Variants in GABRB1 observed in about 807,000 individuals in gnomAD.
GABRB1 encodes the protein gamma-aminobutyric acid receptor subunit beta-1.
Under a neutral mutation model 51.6 loss-of-function variants are expected in GABRB1, and 17 were observed. The ratio of observed to expected loss-of-function variants is 0.33; its 90% CI spans 0.23 to 0.49. GABRB1 has a LOEUF of 0.49. Ranked by LOEUF, GABRB1 falls within the 20% of genes least tolerant of loss-of-function variation. GABRB1 has a pLI of 0.99. For missense variants in GABRB1, 410 were observed against 600.6 expected (o/e 0.68, Z 3.32); for synonymous variants, 247 against 218.9 (o/e 1.13, Z -1.14).
At chr4:47,188,090 A>G (rs1719262115) in intron 4 of GABRB1, among the ~76,000 whole-genome samples, 1 of 152,008 alleles carries the variant, frequency 6.6e-6, no homozygotes, top group Admixed American at 6.6e-5. Context: ...TTATGAGTAC[A>G]TAAAATTTGT....
At chr4:47,164,154 C>G (rs527647209) in intron 4 of GABRB1, among the ~76,000 whole-genome samples, 8 of 152,146 alleles carry the variant, frequency 5.3e-5, no homozygotes, top group African/African-American at 1.9e-4. Context: ...TCCCACCGGG[C>G]CCTCCCTTGA....
chr4:47,260,467 G>T (rs1327511446), intron 4 of GABRB1, among the ~76,000 whole-genome samples: 3 of 152,170 alleles, frequency 2.0e-5, no homozygotes, highest in African/African-American at 7.2e-5. Context: ...GCTGGTACCA[G>T]TTGTTCCTTT....
chr4:47,383,551 G>T (rs1440230645), intron 5 of GABRB1, among the ~76,000 whole-genome samples: 2 of 152,048 alleles, frequency 1.3e-5, no homozygotes, highest in African/African-American at 2.4e-5. Flanking sequence ...ATTCTGATCT[G>T]ATATATTAGT....
At chr4:47,036,363 G>A (rs1355278170) in intron 3 of GABRB1, among the ~76,000 whole-genome samples, 4 of 152,064 alleles carry the variant, frequency 2.6e-5, no homozygotes, top group Non-Finnish European at 1.5e-5. Context: ...CAGATTCCCA[G>A]TCCCCACATG....
At chr4:47,247,138 G>C (rs1010110465) in intron 4 of GABRB1, among the ~76,000 whole-genome samples, 1 of 152,056 alleles carries the variant, frequency 6.6e-6, no homozygotes, top group Non-Finnish European at 1.5e-5. Flanking sequence ...TTATCTTCTA[G>C]AATTTTTATA....
At chr4:47,342,008 G>A (rs917460330) in intron 5 of GABRB1, among the ~76,000 whole-genome samples, 1 of 152,196 alleles carries the variant, frequency 6.6e-6, no homozygotes, top group Admixed American at 6.6e-5. Context: ...GTGAAATCCT[G>A]TGAAGCTCAA....
At chr4:47,087,514 A>C (rs888516732) in intron 3 of GABRB1, among the ~76,000 whole-genome samples, 9 of 150,456 alleles carry the variant, frequency 6.0e-5, no homozygotes, top group Non-Finnish European at 1.0e-4. Flanking sequence ...TCTAACTCTG[A>C]GGCGCTGCAT....
At chr4:47,002,674 G>A (rs1724265618) in intron 1 of GABRB1, among the ~76,000 whole-genome samples, 1 of 151,820 alleles carries the variant, frequency 6.6e-6, no homozygotes, top group Non-Finnish European at 1.5e-5. Flanking sequence ...ATATATACTA[G>A]CCTGCCATCA....
At chr4:47,295,483 T>A (rs1416591460) in intron 4 of GABRB1, among the ~76,000 whole-genome samples, 3 of 152,246 alleles carry the variant, frequency 2.0e-5, no homozygotes, top group East Asian at 3.9e-4. Context: ...GGAGCCGATG[T>A]GATCAACTGG....
chr4:47,136,718 A>G (rs905515468), intron 3 of GABRB1, among the ~76,000 whole-genome samples: 1 of 152,076 alleles, frequency 6.6e-6, no homozygotes, highest in Admixed American at 6.6e-5. Flanking sequence ...TATACTTTCA[A>G]TAAATTGTGG....
intron 4 of GABRB1, among the ~76,000 whole-genome samples, chr4:47,271,686 C>A (rs901196651): frequency 6.6e-6 from 1 of 152,126 alleles, no homozygotes; most frequent in Non-Finnish European, 1.5e-5. Flanking sequence ...TATTTTCTTT[C>A]TTTCAGAGAT....
In GABRB1 at chr4:47,213,514, G is replaced by C. The variant is rs188505316; in HGVS notation, c.461+52045G>C. On this transcript the variant is annotated intron_variant, in intron 4 of 8. Transcript: ENST00000295454. ...GCTTTCTCTTCATCTCCCCCTCCTC[G>C]TTTCCCTCTCATTTTTTTCTCTCTC... is the stretch of plus-strand genomic sequence containing the variant. Among the ~76,000 whole-genome samples, 189 of 147,866 alleles carry C rather than the reference G, an allele frequency of 1.3e-3. 4 individuals are homozygous for C. Among genetic ancestry groups the C allele is most frequent in the African/African-American group, 4.1e-3 (165 of 39,796 alleles).
chr4:47,139,692 G>A (rs1054735975), intron 3 of GABRB1, among the ~76,000 whole-genome samples: 10 of 151,982 alleles, frequency 6.6e-5, no homozygotes, highest in African/African-American at 1.7e-4. Flanking sequence ...AACCACTAAC[G>A]GAGATAAATT....
chr4:47,338,734 G>T, intron 5 of GABRB1, among the ~76,000 whole-genome samples: 1 of 152,140 alleles, frequency 6.6e-6, no homozygotes, highest in East Asian at 1.9e-4. Context: ...CAGCCCGCTT[G>T]GTAGAAAAGG....
chr4:47,152,954 G>A (rs530696202), intron 3 of GABRB1, among the ~76,000 whole-genome samples: 17 of 151,964 alleles, frequency 1.1e-4, no homozygotes, highest in Non-Finnish European at 2.2e-4. Flanking sequence ...CCTCCTACTC[G>A]ATCATTTTGT....
At chr4:47,073,515 G>A (rs1727428406) in intron 3 of GABRB1, among the ~76,000 whole-genome samples, 1 of 152,192 alleles carries the variant, frequency 6.6e-6, no homozygotes, top group Admixed American at 6.5e-5. Context: ...TAGAGTGGTA[G>A]ATGTAAGCCC....
At chr4:47,418,705 C>T (rs773737299) in intron 8 of GABRB1, among the ~76,000 whole-genome samples, 34 of 152,098 alleles carry the variant, frequency 2.2e-4, no homozygotes, top group African/African-American at 7.5e-4. Flanking sequence ...TTCGGGGAAA[C>T]GGTTGTGAAT....
chr4:47,408,834 G>A (rs1356511052), intron 8 of GABRB1, among the ~76,000 whole-genome samples: 4 of 152,132 alleles, frequency 2.6e-5, no homozygotes, highest in Admixed American at 1.3e-4. Flanking sequence ...TGGAATGTTT[G>A]TTAATTGATA....
At chr4:47,179,425 T>C (rs565644173) in intron 4 of GABRB1, among the ~76,000 whole-genome samples, 16 of 152,212 alleles carry the variant, frequency 1.1e-4, no homozygotes, top group African/African-American at 3.4e-4. Context: ...AGCAATCCCA[T>C]TACTGGTTAT....
Sources: gnomAD v4.1 joint callset for allele counts (sites outside exome capture counted in the v4.1 genomes callset) on GRCh38, gnomAD v4.1.1 for gene constraint, MANE v1.5 for transcripts, NCBI Gene and HGNC (gene_info 2026-07-23, HGNC 2026-07-21) for gene names.